Variants in B3GNT3 observed in about 807,000 individuals in gnomAD.
B3GNT3 encodes N-acetyllactosaminide beta-1,3-N-acetylglucosaminyltransferase 3.
A neutral mutation model predicts 11.6 loss-of-function variants in B3GNT3; 7 were observed. That is an observed-to-expected ratio of 0.60 (90% CI 0.34 to 1.13). The LOEUF is 1.13. Ranked by LOEUF, B3GNT3 falls within the 50% of genes most tolerant of loss-of-function variation. B3GNT3 has a pLI of 0.03. For synonymous variants in B3GNT3, 201 were observed against 222.1 expected (o/e 0.90, Z 0.85); for missense variants, 400 against 507.4 (o/e 0.79, Z 2.03).
chr19:17,807,509 C>CAAA (rs57567496), intron 1 of B3GNT3, among the ~76,000 whole-genome samples: 9 of 126,320 alleles, frequency 7.1e-5, no homozygotes, highest in African/African-American at 2.1e-4. Flanking sequence ...GACGCTGTCT[C>CAAA]AAAAAAAAAA....
At chr19:17,801,917 G>A (rs763847880) in intron 1 of B3GNT3, among the ~76,000 whole-genome samples, 2 of 152,066 alleles carry the variant, frequency 1.3e-5, no homozygotes, top group Non-Finnish European at 2.9e-5. Flanking sequence ...GTGAAACCCC[G>A]TCTCTACTAA....
At chr19:17,797,994 G>A (rs1054961154) in intron 1 of B3GNT3, among the ~76,000 whole-genome samples, 12 of 152,134 alleles carry the variant, frequency 7.9e-5, no homozygotes, top group African/African-American at 2.7e-4. Context: ...GGCCTCAGTC[G>A]GCTGTGTGAC....
In B3GNT3 at chr19:17,813,115, T is replaced by C. The variant is rs2094183362; in HGVS notation, c.*993T>C. On this transcript the variant is annotated 3_prime_UTR_variant, in exon 3 of 3. Coordinates refer to ENST00000318683, the MANE Select transcript of B3GNT3 (RefSeq NM_014256.4). ...TTTTTTTTTTAAGCAAATTTACAAGTTTCAACAGACAAGTCCACATTCATC... is the reference window on the plus strand; with the variant it reads ...TTTTTTTTTTAAGCAAATTTACAAGCTTCAACAGACAAGTCCACATTCATC... 6.6e-6 allele frequency: 1 copy of C among 151,678 alleles called. No individual in the cohort carries two copies. Among genetic ancestry groups the C allele is most frequent in the African/African-American group, 2.4e-5 (1 of 41,280 alleles). 9.4% of individuals were successfully genotyped at this position (151,678 alleles called of 1,614,324 possible). A position where few individuals can be genotyped will look rare whatever the true frequency, so the allele number is the denominator to read the frequency against.
In B3GNT3 at chr19:17,808,110, T is replaced by G. The variant is rs2094175939; in HGVS notation, c.303T>G (p.Ser101=). The G allele has an allele frequency of 6.2e-7, 1 of 1,613,708 alleles. No individual in the cohort carries two copies. Among genetic ancestry groups the G allele is most frequent in the South Asian group, 1.1e-5 (1 of 91,072 alleles). The change falls in exon 2 of 3, where the codon TCT becomes TCG. Residue 101 remains serine, a synonymous_variant. Coordinates refer to ENST00000318683, the MANE Select transcript of B3GNT3 (RefSeq NM_014256.4). ...CCCTGCTGCAGGACGTGCCCCCCTC[T>G]AAGTGCGCGCAGCCGGTCTTCCTGC... is the stretch of plus-strand genomic sequence containing the variant. The part of the protein sequence containing the change: ...HFPLLQDVPP[S]KCAQPVFLLL...
At position 17,808,026 on chromosome 19, in the gene B3GNT3, C is replaced by T; in HGVS notation, c.219C>T (p.Phe73=). ...CCTCTATGGTCACCCACCCGGACTT[C>T]GCCACGCAGCCGCAGCACGTTCAGA... ...ANTSMVTHPD[F]ATQPQHVQNF... The change falls in exon 2 of 3, where the codon TTC becomes TTT. Residue 73 remains phenylalanine, a synonymous_variant. Coordinates refer to ENST00000318683, the MANE Select transcript of B3GNT3 (RefSeq NM_014256.4). 1 of 1,474,172 alleles carries T rather than the reference C, an allele frequency of 6.8e-7. No homozygotes were observed. Among genetic ancestry groups the T allele is most frequent in the South Asian group, 1.1e-5 (1 of 89,082 alleles). 91.3% of individuals were successfully genotyped at this position (1,474,172 alleles called of 1,614,324 possible). A position where few individuals can be genotyped will look rare whatever the true frequency, so the allele number is the denominator to read the frequency against.
intron 1 of B3GNT3, 65 bp downstream of exon 1, chr19:17,795,271 G>A (rs1048595348): frequency 6.6e-5 from 10 of 152,340 alleles, no homozygotes; most frequent in African/African-American, 2.4e-4. Context: ...GGGTGGGGAA[G>A]TTGTGGCTCT....
At chr19:17,809,363 C>T (rs1293282797) in intron 2 of B3GNT3, among the ~76,000 whole-genome samples, 1 of 151,864 alleles carries the variant, frequency 6.6e-6, no homozygotes, top group African/African-American at 2.4e-5. Flanking sequence ...CGCTTGAGCC[C>T]AAGAGTTTGA....
rs556841320 is a variant in B3GNT3, at chr19:17,800,835, T to C, written c.-51+5629T>C. The stretch of plus-strand genomic sequence containing the variant: ...TACAAAAATTAGCCGGGTGTGGTGG[T>C]ACATGCCTGTAATCCCTGCTACTCA... On this transcript the variant is annotated intron_variant, in intron 1 of 2. Transcript: ENST00000318683. Among the ~76,000 whole-genome samples, 564 of 151,972 alleles carry C rather than the reference T, an allele frequency of 3.7e-3. 2 individuals are homozygous for C. Among genetic ancestry groups the C allele is most frequent in the Non-Finnish European group, 6.2e-3 (422 of 67,970 alleles).
At chr19:17,796,932 T>C (rs964969051) in intron 1 of B3GNT3, among the ~76,000 whole-genome samples, 2 of 152,142 alleles carry the variant, frequency 1.3e-5, no homozygotes, top group Admixed American at 6.5e-5. Flanking sequence ...AGGATGCCTA[T>C]TGTGGACCCT....
chr19:17,810,421 CA>C (rs1428549028), intron 2 of B3GNT3, among the ~76,000 whole-genome samples: 2 of 151,534 alleles, frequency 1.3e-5, no homozygotes, highest in Non-Finnish European at 2.9e-5. Flanking sequence ...AAAACAAAAA[CA>C]AAAAACCCTT....
intron 2 of B3GNT3, among the ~76,000 whole-genome samples, chr19:17,810,892 AAT>A (rs2094179821): frequency 6.8e-6 from 1 of 147,356 alleles, no homozygotes; most frequent in African/African-American, 2.5e-5. Flanking sequence ...CCAAAAAAAT[AAT>A]AATAATAATA....
intron 1 of B3GNT3, among the ~76,000 whole-genome samples, chr19:17,800,134 G>A (rs1228348648): frequency 6.6e-6 from 1 of 152,098 alleles, no homozygotes; most frequent in Non-Finnish European, 1.5e-5. Context: ...CAGCACTTTG[G>A]GAGGCCGAGG....
intron 2 of B3GNT3, among the ~76,000 whole-genome samples, chr19:17,808,806 C>A (rs937326422): frequency 6.6e-6 from 1 of 152,120 alleles, no homozygotes; most frequent in South Asian, 2.1e-4. Context: ...CTCAACTTGG[C>A]AATGACGGGG....
chr19:17,812,037 G>C lies in B3GNT3; in HGVS notation c.1034G>C (p.Arg345Pro), dbSNP rs199719531. Residue 345 changes from arginine to proline, a missense_variant, in exon 3 of 3, where the codon CGC becomes CCC. Arg to Pro is a moderately radical substitution (Grantham distance 103, BLOSUM62 -2). Transcript: ENST00000318683. ...CFYRDLLLVHRFLPYEMLLMW... is the reference protein window; with the variant it reads ...CFYRDLLLVHPFLPYEMLLMW... The stretch of plus-strand genomic sequence containing the variant: ...TACCGAGACCTGCTGCTGGTGCACC[G>C]CTTCCTACCTTATGAGATGCTGCTC... 3 of 1,599,434 alleles carry C rather than the reference G, an allele frequency of 1.9e-6. No homozygotes were observed. The highest frequency in any genetic ancestry group is 2.5e-6 in the Non-Finnish European group (3 of 1,179,910).
Position 17,808,262 on chromosome 19 carries a change from A to G in B3GNT3, c.455A>G (p.Asn152Ser), listed in dbSNP as rs2094176374. Reference protein sequence around the residue: ...RLLFLVGTASNPHEARKVNRL... With the variant: ...RLLFLVGTASSPHEARKVNRL... Reference sequence around the variant, plus strand: ...CTCTTCCTGGTGGGCACAGCCTCCAACCCGCACGAGGCCCGCAAGGTCAAC... The same window carrying G: ...CTCTTCCTGGTGGGCACAGCCTCCAGCCCGCACGAGGCCCGCAAGGTCAAC... Residue 152 changes from asparagine to serine, a missense_variant, in exon 2 of 3, where the codon AAC becomes AGC. Asn to Ser is a conservative substitution (Grantham distance 46). Transcript: ENST00000318683. 6.2e-7 allele frequency: 1 copy of G among 1,613,416 alleles called. No homozygotes were observed. The highest frequency in any genetic ancestry group is 8.5e-7 in the Non-Finnish European group (1 of 1,179,904).
In B3GNT3 at chr19:17,808,234, C is replaced by G; in HGVS notation, c.427C>G (p.Leu143Val). Residue 143 changes from leucine (L) to valine (V), a missense_variant, in exon 2 of 3, where the codon CTC becomes GTC. By Grantham distance (32) the Leu-to-Val change is conservative (BLOSUM62 1). Transcript: ENST00000318683. ...ERKVRGLQLR[L>V]LFLVGTASNP... ...CAAGGTACGGGGTTTGCAGCTGCGC[C>G]TCCTCTTCCTGGTGGGCACAGCCTC... is the stretch of plus-strand genomic sequence containing the variant. The G allele has an allele frequency of 6.2e-7, 1 of 1,613,528 alleles. No individual in the cohort carries two copies. Among genetic ancestry groups the G allele is most frequent in the Non-Finnish European group, 8.5e-7 (1 of 1,179,796 alleles).
chr19:17,807,974 C>G lies in B3GNT3; in HGVS notation c.167C>G (p.Pro56Arg). ...ALAWPTPPTR[P>R]APAPCHANTS... The stretch of plus-strand genomic sequence containing the variant: ...GCCTGGCCCACTCCACCCACCCGCC[C>G]AGCCCCGGCCCCGTGCCATGCCAAC... The change falls in exon 2 of 3, where the codon CCA (proline) becomes CGA (arginine). Residue 56 changes from proline (P) to arginine (R), a missense_variant. Pro to Arg is a moderately radical substitution (Grantham distance 103). Coordinates refer to ENST00000318683, the MANE Select transcript of B3GNT3 (RefSeq NM_014256.4). The G allele has an allele frequency of 6.3e-7, 1 of 1,586,898 alleles. No homozygotes were observed. The highest frequency in any genetic ancestry group is 8.6e-7 in the Non-Finnish European group (1 of 1,160,798).
chr19:17,809,878 C>T (rs908193357), intron 2 of B3GNT3, among the ~76,000 whole-genome samples: 1 of 152,086 alleles, frequency 6.6e-6, no homozygotes, highest in East Asian at 1.9e-4. Flanking sequence ...GTAGAGACAA[C>T]ATTTTCAAGG....
chr19:17,795,501 G>A (rs929716895), intron 1 of B3GNT3, among the ~76,000 whole-genome samples: 3 of 152,234 alleles, frequency 2.0e-5, no homozygotes, highest in Non-Finnish European at 2.9e-5. Context: ...CCCCCGAGGC[G>A]GATGCCGCTT....
Sources: gnomAD v4.1 joint callset for allele counts (sites outside exome capture counted in the v4.1 genomes callset) on GRCh38, gnomAD v4.1.1 for gene constraint, MANE v1.5 for transcripts, NCBI Gene and HGNC (gene_info 2026-07-23, HGNC 2026-07-21) for gene names.